Variants in PLXDC2 observed in about 807,000 individuals in gnomAD.
The protein encoded by PLXDC2 is plexin domain containing 2.
Under a neutral mutation model 68.9 loss-of-function variants are expected in PLXDC2, and 40 were observed. The observed-to-expected ratio is 0.58, with a 90% CI of 0.45 to 0.76. PLXDC2 has a LOEUF of 0.76. Ranked by LOEUF, PLXDC2 falls within the 30% of genes least tolerant of loss-of-function variation. The probability of loss-of-function intolerance (pLI) is 0.00; values close to 1 mark genes in which losing one functional copy is unlikely to be tolerated. For synonymous variants in PLXDC2, 243 were observed against 234.2 expected, an observed-to-expected ratio of 1.04 and a Z score of -0.34; for missense variants, 644 against 661.9, an observed-to-expected ratio of 0.97 and a Z score of 0.30.
chr10:19,828,874 T>G (rs1411762019), intron 1 of PLXDC2, among the ~76,000 whole-genome samples: 1 of 152,164 alleles, frequency 6.6e-6, no homozygotes, highest in Non-Finnish European at 1.5e-5. Context: ...CCTGGCTGAC[T>G]GCAAAGGCTT....
intron 11 of PLXDC2, among the ~76,000 whole-genome samples, 198 bp from the exon 12 acceptor site, chr10:20,218,866 A>G (rs1225834777): frequency 6.6e-6 from 1 of 152,152 alleles, no homozygotes; most frequent in Non-Finnish European, 1.5e-5. Flanking sequence ...TTGACATTAC[A>G]ATCTCTGTAG....
At chr10:20,101,337 C>G (rs1037799909) in intron 4 of PLXDC2, among the ~76,000 whole-genome samples, 3 of 152,168 alleles carry the variant, frequency 2.0e-5, no homozygotes, top group Non-Finnish European at 4.4e-5. Flanking sequence ...AAGCAAACTC[C>G]TGTCAACTGT....
intron 4 of PLXDC2, among the ~76,000 whole-genome samples, chr10:20,141,528 A>G (rs1251880931): frequency 2.0e-5 from 3 of 151,980 alleles, no homozygotes; most frequent in Non-Finnish European, 2.9e-5. Context: ...ACTTGGAGCT[A>G]TTTTCTCTGA....
intron 4 of PLXDC2, among the ~76,000 whole-genome samples, chr10:20,102,225 A>G (rs10508613): frequency 0.21 from 32,171 of 152,148 alleles, 4,526 homozygotes; most frequent in East Asian, 0.41. Flanking sequence ...TGTAATACCA[A>G]ATCCACAATC....
At position 19,820,468 on chromosome 10, in the gene PLXDC2, A is replaced by G. The variant is rs181724757; in HGVS notation, c.112+3277A>G. Reference sequence around the variant, plus strand: ...AACAAGGTGAGACCCCGTCTCTACTAAAAATACAAAAAAAAATTAGCCGGG... The same window carrying G: ...AACAAGGTGAGACCCCGTCTCTACTGAAAATACAAAAAAAAATTAGCCGGG... On this transcript the variant is annotated intron_variant, in intron 1 of 13. Transcript: ENST00000377252. Among the ~76,000 whole-genome samples the G allele has an allele frequency of 3.7e-3, 561 of 151,522 alleles. 3 individuals carry two copies. The highest frequency in any genetic ancestry group is 0.01 in the Middle Eastern group (3 of 290).
intron 3 of PLXDC2, among the ~76,000 whole-genome samples, chr10:20,050,694 TAAAAAA>T (rs952496901): frequency 1.4e-5 from 2 of 147,378 alleles, no homozygotes; most frequent in Non-Finnish European, 3.0e-5. Flanking sequence ...TATTAAAAAG[TAAAAAA>T]AAAAACAAAA....
At chr10:20,063,160 A>G (rs1442232335) in intron 3 of PLXDC2, among the ~76,000 whole-genome samples, 1 of 152,202 alleles carries the variant, frequency 6.6e-6, no homozygotes, top group Non-Finnish European at 1.5e-5. Context: ...TGATTAATTT[A>G]TCAATTCATT....
At chr10:19,878,092 T>C (rs1249695619) in intron 1 of PLXDC2, among the ~76,000 whole-genome samples, 1 of 152,220 alleles carries the variant, frequency 6.6e-6, no homozygotes, top group Non-Finnish European at 1.5e-5. Context: ...AGAATGACTG[T>C]TCTATAAGCT....
chr10:19,936,848 A>G (rs557270355), intron 1 of PLXDC2, among the ~76,000 whole-genome samples: 23 of 152,340 alleles, frequency 1.5e-4, no homozygotes, highest in South Asian at 8.3e-4. Context: ...CATTGAGGAT[A>G]TGGAAACATC....
At chr10:20,149,549 T>C (rs1034575318) in intron 6 of PLXDC2, among the ~76,000 whole-genome samples, 5 of 152,118 alleles carry the variant, frequency 3.3e-5, no homozygotes, top group Admixed American at 3.3e-4. Context: ...GATAGTTATT[T>C]TTTCTGATCT....
At chr10:20,038,667 C>T (rs932426096) in intron 2 of PLXDC2, among the ~76,000 whole-genome samples, 2 of 152,124 alleles carry the variant, frequency 1.3e-5, no homozygotes, top group Non-Finnish European at 2.9e-5. Flanking sequence ...TGTTCTTAGG[C>T]TTTTCAAATG....
chr10:20,155,447 T>C (rs1834204770), intron 6 of PLXDC2, among the ~76,000 whole-genome samples: 1 of 152,170 alleles, frequency 6.6e-6, no homozygotes, highest in South Asian at 2.1e-4. Context: ...AGACATTTGA[T>C]AAATGTGTGA....
At chr10:20,173,931 T>C (rs891020521) in intron 7 of PLXDC2, among the ~76,000 whole-genome samples, 4 of 152,148 alleles carry the variant, frequency 2.6e-5, no homozygotes, top group Non-Finnish European at 4.4e-5. Context: ...TTTTGTTAAA[T>C]TCAACTCCTC....
rs183256889 is a variant in PLXDC2, at chr10:19,988,740, G to A, written c.113-13035G>A. Among the ~76,000 whole-genome samples the A allele has an allele frequency of 2.1e-4, 30 of 139,568 alleles. No individual in the cohort carries two copies. In the East Asian group the frequency reaches 5.9e-3, roughly 28 times the overall value. The allele number at this position is 139,568 out of a possible 152,430, so 91.6% of individuals were successfully genotyped here. ...GATAAGGTCTAAAATATTTATATTG[G>A]CAAAATTTCAAGTTAGGGTTAAGTT... On this transcript the variant is annotated intron_variant, in intron 1 of 13. Coordinates refer to ENST00000377252, the MANE Select transcript of PLXDC2 (RefSeq NM_032812.9).
At chr10:20,218,722 A>C (rs1447838146) in intron 11 of PLXDC2, among the ~76,000 whole-genome samples, 1 of 152,158 alleles carries the variant, frequency 6.6e-6, no homozygotes, top group African/African-American at 2.4e-5. Context: ...AAATGAATAA[A>C]TAAGGTCATA....
Position 20,279,815 on chromosome 10 carries a change from G to T in PLXDC2, c.1586G>T (p.Cys529Phe). The T allele has an allele frequency of 6.2e-7, 1 of 1,613,582 alleles. No individual in the cohort carries two copies. Among genetic ancestry groups the T allele is most frequent in the Non-Finnish European group, 8.5e-7 (1 of 1,179,632 alleles). ...GAAGGCTTTATTGTATCAGAGCAGTGCTAAAATTTCTAGGACAGAACAACA... is the reference window on the plus strand; with the variant it reads ...GAAGGCTTTATTGTATCAGAGCAGTTCTAAAATTTCTAGGACAGAACAACA... The part of the protein sequence containing the change: ...EKEGFIVSEQ[C>F] Residue 529 changes from cysteine (C) to phenylalanine (F), a missense_variant, in exon 14 of 14, where the codon TGC becomes TTC. Physicochemically the swap from Cys to Phe is radical, Grantham distance 205 (BLOSUM62 -2). Around this residue, in one of 3 missense-constraint regions of PLXDC2, gnomAD observed 330 missense variants for 327.9 expected, o/e 1.01. Transcript: ENST00000377252.
At chr10:19,871,593 A>G (rs1385937091) in intron 1 of PLXDC2, among the ~76,000 whole-genome samples, 1 of 152,066 alleles carries the variant, frequency 6.6e-6, no homozygotes, top group Non-Finnish European at 1.5e-5. Flanking sequence ...CTAGTGTATC[A>G]TAGAAATGAC....
At position 19,832,740 on chromosome 10, in the gene PLXDC2, G is replaced by A. The variant is rs1049119269; in HGVS notation, c.112+15549G>A. ...CATGTGTATAACATGGATACAGTGC[G>A]AGGGACAAACCAATACTTGTGGTTG... On this transcript the variant is annotated intron_variant, in intron 1 of 13. Coordinates refer to ENST00000377252, the MANE Select transcript of PLXDC2 (RefSeq NM_032812.9). Among the ~76,000 whole-genome samples the A allele has an allele frequency of 2.6e-5, 4 of 152,178 alleles. No homozygotes were observed. The East Asian group carries it at 5.8e-4, about 22-fold the overall frequency.
chr10:19,942,651 C>T (rs1380950353), intron 1 of PLXDC2, among the ~76,000 whole-genome samples: 1 of 152,138 alleles, frequency 6.6e-6, no homozygotes, highest in Non-Finnish European at 1.5e-5. Flanking sequence ...GTAATTCCAG[C>T]TATTCAGGTG....
Sources: gnomAD v4.1 joint callset for allele counts (sites outside exome capture counted in the v4.1 genomes callset) on GRCh38, gnomAD v4.1.1 for gene constraint, gnomAD v4.1.1 regional missense constraint, MANE v1.5 for transcripts, NCBI Gene and HGNC (gene_info 2026-07-23, HGNC 2026-07-21) for gene names.